SNTG1: variants seen among roughly 807,000 people sequenced by gnomAD.
SNTG1 encodes syntrophin gamma 1.
SNTG1 carries 39 observed loss-of-function variants against 74.7 expected under a neutral mutation model. The ratio of observed to expected loss-of-function variants is 0.52; its 90% CI spans 0.40 to 0.68. The LOEUF is 0.68. Ranked by LOEUF, SNTG1 falls within the 30% of genes least tolerant of loss-of-function variation. The pLI is 0.00. For synonymous variants in SNTG1, 254 were observed against 217.1 expected (o/e 1.17, Z -1.49); for missense variants, 685 against 609.5 (o/e 1.12, Z -1.30).
chr8:50,208,187 T>C (rs1472245093), intron 2 of SNTG1, among the ~76,000 whole-genome samples: 3 of 152,180 alleles, frequency 2.0e-5, no homozygotes, highest in African/African-American at 7.2e-5. Context: ...CCCATTATTA[T>C]TGAGTGGGAG....
chr8:50,627,725 A>T (rs2094966303), intron 13 of SNTG1, among the ~76,000 whole-genome samples: 1 of 152,172 alleles, frequency 6.6e-6, no homozygotes. Context: ...TATTATAAAG[A>T]ATGTTACAAA....
At chr8:50,181,226 C>G (rs1274867094) in intron 2 of SNTG1, among the ~76,000 whole-genome samples, 3 of 152,124 alleles carry the variant, frequency 2.0e-5, no homozygotes, top group Non-Finnish European at 4.4e-5. Flanking sequence ...GACTCATGTC[C>G]TATGCTTTTA....
At chr8:49,971,814 T>G (rs563313576) in intron 1 of SNTG1, among the ~76,000 whole-genome samples, 24 of 152,166 alleles carry the variant, frequency 1.6e-4, no homozygotes, top group African/African-American at 5.8e-4. Context: ...ACAAGGGAAG[T>G]GAAGGACCTC....
chr8:50,155,974 GA>G (rs770017671), intron 1 of SNTG1, among the ~76,000 whole-genome samples: 25 of 150,054 alleles, frequency 1.7e-4, no homozygotes, highest in South Asian at 2.1e-4. Context: ...GTGTAAAAAG[GA>G]AAAAAAATAA....
At position 50,599,095 on chromosome 8, in the gene SNTG1, C is replaced by G. The variant is rs147039406; in HGVS notation, c.849+8178C>G. Among the ~76,000 whole-genome samples the G allele has an allele frequency of 4.2e-4, 64 of 152,056 alleles. No homozygotes were observed. The East Asian group carries it at 0.011, about 27-fold the overall frequency. On this transcript the variant is annotated intron_variant, in intron 13 of 18. Coordinates refer to ENST00000642720, the MANE Select transcript of SNTG1 (RefSeq NM_018967.5). ...GAGTGTTTATCCTCCATCCAGTTTT[C>G]CCAGCACCATTGATTGAAGAGACTG...
chr8:49,950,798 C>T (rs1357669807), intron 1 of SNTG1, among the ~76,000 whole-genome samples: 1 of 152,194 alleles, frequency 6.6e-6, no homozygotes, highest in African/African-American at 2.4e-5. Flanking sequence ...ACCTTCACAT[C>T]TGCTAAATGT....
intron 2 of SNTG1, among the ~76,000 whole-genome samples, chr8:50,356,817 G>A (rs1020387889): frequency 2.0e-5 from 3 of 152,120 alleles, no homozygotes; most frequent in Non-Finnish European, 2.9e-5. Context: ...GCATTTTTTA[G>A]TCTGATTCTT....
chr8:50,434,062 C>A (rs1031329878), intron 4 of SNTG1, among the ~76,000 whole-genome samples: 1 of 148,556 alleles, frequency 6.7e-6, no homozygotes, highest in Non-Finnish European at 1.5e-5. Flanking sequence ...ATGACAGTCC[C>A]CAGTGTGTGA....
chr8:50,393,208 ATC>A (rs964890806), intron 2 of SNTG1, among the ~76,000 whole-genome samples: 1 of 152,128 alleles, frequency 6.6e-6, no homozygotes, highest in African/African-American at 2.4e-5. Context: ...ATGATGGCTA[ATC>A]TCTTTCTTTC....
At chr8:50,050,647 T>C (rs950002866) in intron 1 of SNTG1, among the ~76,000 whole-genome samples, 31 of 152,004 alleles carry the variant, frequency 2.0e-4, no homozygotes, top group African/African-American at 7.0e-4. Context: ...ACAAAATCTT[T>C]GAAAATACAA....
At chr8:50,649,727 T>C (rs933861699) in intron 13 of SNTG1, among the ~76,000 whole-genome samples, 5 of 152,216 alleles carry the variant, frequency 3.3e-5, no homozygotes, top group Non-Finnish European at 5.9e-5. Context: ...GCCTCATTAA[T>C]GCTCTTGCCC....
At chr8:49,968,519 T>C (rs1424151441) in intron 1 of SNTG1, among the ~76,000 whole-genome samples, 1 of 152,050 alleles carries the variant, frequency 6.6e-6, no homozygotes, top group East Asian at 1.9e-4. Context: ...GATCACTAGA[T>C]GCAATACTGA....
intron 8 of SNTG1, among the ~76,000 whole-genome samples, chr8:50,468,150 C>T (rs570389776): frequency 6.6e-6 from 1 of 151,420 alleles, no homozygotes; most frequent in South Asian, 2.1e-4. Context: ...TCTATTATAA[C>T]AATAGTACTG....
chr8:50,663,844 T>C (rs1046598978), intron 15 of SNTG1, among the ~76,000 whole-genome samples: 3 of 152,168 alleles, frequency 2.0e-5, no homozygotes, highest in South Asian at 2.1e-4. Context: ...TCTCTCAGCA[T>C]TGCAAATGCC....
intron 15 of SNTG1, among the ~76,000 whole-genome samples, chr8:50,674,781 A>C (rs149301912): frequency 0.048 from 7,279 of 151,408 alleles, 267 homozygotes; most frequent in Non-Finnish European, 0.076. Context: ...AGATCTTTCT[A>C]GCTTTCTGAT....
At chr8:50,172,002 A>G (rs2082824288) in intron 1 of SNTG1, among the ~76,000 whole-genome samples, 1 of 152,152 alleles carries the variant, frequency 6.6e-6, no homozygotes, top group South Asian at 2.1e-4. Flanking sequence ...TAAAAACTAA[A>G]TGACAAAGGC....
intron 2 of SNTG1, among the ~76,000 whole-genome samples, chr8:50,238,467 C>A (rs929248556): frequency 6.6e-6 from 1 of 152,088 alleles, no homozygotes; most frequent in African/African-American, 2.4e-5. Flanking sequence ...GGACCCCTTC[C>A]TTACACCATA....
chr8:50,590,588 T>A (rs1317315055), intron 12 of SNTG1, among the ~76,000 whole-genome samples: 3 of 152,140 alleles, frequency 2.0e-5, no homozygotes, highest in African/African-American at 7.2e-5. Flanking sequence ...TCTTGATAGA[T>A]AATCATTTAG....
intron 1 of SNTG1, among the ~76,000 whole-genome samples, chr8:50,082,644 T>A (rs566080138): frequency 6.6e-6 from 1 of 152,216 alleles, no homozygotes; most frequent in Non-Finnish European, 1.5e-5. Context: ...AATTTATGAA[T>A]GTCCTGGAGA....
Sources: allele counts gnomAD v4.1 joint callset (sites outside exome capture counted in the v4.1 genomes callset), GRCh38; gene constraint gnomAD v4.1.1; transcripts MANE v1.5; gene names NCBI Gene and HGNC (gene_info 2026-07-23, HGNC 2026-07-21).